RERE: variants seen among roughly 807,000 people sequenced by gnomAD.
RERE encodes arginine-glutamic acid dipeptide repeats protein.
RERE carries 40 observed loss-of-function variants against 146.1 expected under a neutral mutation model. The ratio of observed to expected loss-of-function variants is 0.27; its 90% confidence interval spans 0.21 to 0.36. The LOEUF is 0.36. Ranked by LOEUF, RERE falls within the 10% of genes least tolerant of loss-of-function variation. The probability of loss-of-function intolerance (pLI) is 1.00; values close to 1 mark genes in which losing one functional copy is unlikely to be tolerated. For synonymous variants in RERE, 1,003 were observed against 866.0 expected, an observed-to-expected ratio of 1.16 and a Z score of -2.78; for missense variants, 1,933 against 2,138.7, an observed-to-expected ratio of 0.90 and a Z score of 1.90.
chr1:8,508,556 A>G, intron 8 of RERE, 71 bp downstream of exon 8: 1 of 1,163,658 alleles, frequency 8.6e-7, no homozygotes, highest in Admixed American at 1.9e-5. Context: ...GATGCTGCGC[A>G]ACAGAATAAA....
chr1:8,441,307 C>T (rs1644244800), intron 11 of RERE, among the ~76,000 whole-genome samples: 1 of 152,190 alleles, frequency 6.6e-6, no homozygotes, highest in Non-Finnish European at 1.5e-5. Flanking sequence ...CTCTTTCCAA[C>T]AATCCATCAG....
chr1:8,581,087 T>C (rs1646358837), intron 4 of RERE, among the ~76,000 whole-genome samples: 1 of 152,228 alleles, frequency 6.6e-6, no homozygotes, highest in Admixed American at 6.5e-5. Context: ...CAAGTGGTTG[T>C]ACCATCTTCA....
chr1:8,745,186 A>C (rs181576628), intron 1 of RERE, among the ~76,000 whole-genome samples: 108 of 152,218 alleles, frequency 7.1e-4, no homozygotes, highest in Admixed American at 6.9e-3. Context: ...ATGATGTTCT[A>C]GAGATGGTGA....
intron 4 of RERE, among the ~76,000 whole-genome samples, chr1:8,583,528 C>A (rs1646392617): frequency 6.6e-6 from 1 of 152,152 alleles, no homozygotes; most frequent in Non-Finnish European, 1.5e-5. Context: ...AGGTCAGAAC[C>A]CCCAGAGACC....
intron 10 of RERE, among the ~76,000 whole-genome samples, chr1:8,488,917 G>T (rs1036301466): frequency 1.3e-5 from 2 of 152,170 alleles, no homozygotes; most frequent in Admixed American, 1.3e-4. Flanking sequence ...AGACCTAAAT[G>T]TAAGAAGTAA....
intron 1 of RERE, among the ~76,000 whole-genome samples, chr1:8,742,867 CAA>C (rs1330011632): frequency 2.4e-4 from 22 of 93,142 alleles, no homozygotes; most frequent in Admixed American, 3.2e-4. Context: ...GATCCTGTCT[CAA>C]AAAAAAAAAA....
intron 3 of RERE, among the ~76,000 whole-genome samples, chr1:8,623,293 C>CAA (rs1011859822): frequency 2.0e-5 from 3 of 151,802 alleles, no homozygotes; most frequent in African/African-American, 7.2e-5. Flanking sequence ...GCTAAAAATA[C>CAA]AAAAAAAATC....
chr1:8,529,284 C>CTT (rs1185715350), intron 7 of RERE, among the ~76,000 whole-genome samples: 56 of 84,584 alleles, frequency 6.6e-4, no homozygotes, highest in African/African-American at 2.2e-3. Flanking sequence ...TCAGTTCTCC[C>CTT]TTCTTTTTTT....
At chr1:8,489,819 G>T (rs1288422769) in intron 10 of RERE, among the ~76,000 whole-genome samples, 1 of 152,116 alleles carries the variant, frequency 6.6e-6, no homozygotes, top group African/African-American at 2.4e-5. Context: ...GGGAGGCCCA[G>T]GTGGGAGGAT....
At chr1:8,711,032 C>T (rs917789904) in intron 1 of RERE, among the ~76,000 whole-genome samples, 1 of 151,542 alleles carries the variant, frequency 6.6e-6, no homozygotes. Flanking sequence ...TGGCGCATGC[C>T]TATAATCCCA....
chr1:8,380,262 C>A (rs181086286), intron 12 of RERE, among the ~76,000 whole-genome samples: 2 of 152,132 alleles, frequency 1.3e-5, no homozygotes, highest in Non-Finnish European at 2.9e-5. Flanking sequence ...AGCCTCAGAG[C>A]AAGCCATGCT....
intron 4 of RERE, among the ~76,000 whole-genome samples, chr1:8,610,428 A>G (rs1184798014): frequency 6.6e-6 from 1 of 152,008 alleles, no homozygotes; most frequent in Admixed American, 6.6e-5. Context: ...ATCTCTACTA[A>G]AAATACAAAA....
chr1:8,795,583 T>C (rs1641454723), intron 1 of RERE, among the ~76,000 whole-genome samples: 1 of 152,102 alleles, frequency 6.6e-6, no homozygotes, highest in Non-Finnish European at 1.5e-5. Flanking sequence ...ATAGTTCAGG[T>C]GGAAATGGAC....
Position 8,766,613 on chromosome 1 carries a change from T to C in RERE, c.-145+50547A>G, listed in dbSNP as rs184207027. On this transcript the variant is annotated intron_variant, in intron 1 of 22. Coordinates refer to ENST00000400908, the MANE Select transcript of RERE (RefSeq NM_001042681.2). ...GAGACAGTGGCCTGAACTAGCGTAA[T>C]GGATTAGGAAGAGATAAGAGATACA... Among the ~76,000 whole-genome samples the C allele has an allele frequency of 3.9e-3, 548 of 138,828 alleles. 19 individuals carry two copies. Among genetic ancestry groups the C allele is most frequent in the Admixed American group, 0.037 (525 of 14,122 alleles). 91.1% of individuals were successfully genotyped at this position (138,828 alleles called of 152,430 possible).
At chr1:8,371,660 A>T (rs1642041660) in intron 12 of RERE, among the ~76,000 whole-genome samples, 1 of 152,200 alleles carries the variant, frequency 6.6e-6, no homozygotes, top group South Asian at 2.1e-4. Context: ...GTTAGGCTGC[A>T]AGTCTATCAA....
intron 2 of RERE, among the ~76,000 whole-genome samples, chr1:8,643,625 C>T (rs1162344117): frequency 6.6e-6 from 1 of 152,130 alleles, no homozygotes; most frequent in Admixed American, 6.6e-5. Flanking sequence ...TGCACGCTGC[C>T]AAAGGTGATA....
intron 1 of RERE, among the ~76,000 whole-genome samples, chr1:8,772,706 G>A (rs1400655353): frequency 2.0e-5 from 3 of 152,124 alleles, no homozygotes. Context: ...CTTGAACCCG[G>A]AAGGTAGAGG....
intron 1 of RERE, among the ~76,000 whole-genome samples, chr1:8,784,385 A>C (rs114567024): frequency 6.6e-6 from 1 of 152,184 alleles, no homozygotes; most frequent in East Asian, 1.9e-4. Context: ...AATATACTAC[A>C]TAACATTCTT....
intron 1 of RERE, among the ~76,000 whole-genome samples, chr1:8,733,214 G>A (rs546443507): frequency 6.4e-4 from 98 of 152,058 alleles, no homozygotes; most frequent in African/African-American, 2.2e-3. Context: ...GTCACTCCTC[G>A]ATCCTAATTC....
Sources: allele counts gnomAD v4.1 joint callset (sites outside exome capture counted in the v4.1 genomes callset), GRCh38; gene constraint gnomAD v4.1.1; transcripts MANE v1.5; gene names NCBI Gene and HGNC (gene_info 2026-07-23, HGNC 2026-07-21).